SAMD8: variants seen among roughly 807,000 people sequenced by gnomAD.
SAMD8 encodes the protein sterile alpha motif domain containing 8.
In SAMD8, 20 loss-of-function variants were observed where a neutral mutation model predicts 42.0. The ratio of observed to expected loss-of-function variants is 0.48; its 90% CI spans 0.34 to 0.69. SAMD8 has a LOEUF of 0.69. SAMD8 is among the 30% of genes least tolerant of loss of function. The pLI is 0.01. For missense variants in SAMD8, 328 were observed against 511.6 expected (o/e 0.64, Z 3.46); for synonymous variants, 162 against 173.0 (o/e 0.94, Z 0.50).
chr10:75,151,054 C>T lies in SAMD8; in HGVS notation c.526C>T (p.Arg176Ter), dbSNP rs1840277391. The T allele has an allele frequency of 1.9e-6, 3 of 1,571,642 alleles. No homozygotes were observed. Among genetic ancestry groups the T allele is most frequent in the Non-Finnish European group, 2.6e-6 (3 of 1,158,130 alleles). ...TTTCATTATGGTTATAGTCCATGAG[C>T]GAGTGCCTGACATGCAGACCTATCC... Reference protein sequence around the residue: ...TSFIMVIVHERVPDMQTYPPL... With the variant: ...TSFIMVIVHE The change falls in exon 2 of 6, where the codon CGA becomes TGA. Residue 176 changes from arginine to a stop codon, truncating the protein, a stop_gained. Coordinates refer to ENST00000542569, the MANE Select transcript of SAMD8 (RefSeq NM_001174156.2). LOFTEE classifies it high-confidence loss of function.
At chr10:75,128,464 C>T (rs972406707) in intron 1 of SAMD8, among the ~76,000 whole-genome samples, 1 of 151,986 alleles carries the variant, frequency 6.6e-6, no homozygotes, top group African/African-American at 2.4e-5. Context: ...CTCCTGAGTT[C>T]GCCTCCCAAA....
Position 75,150,855 on chromosome 10 carries a change from G to T in SAMD8, c.327G>T (p.Trp109Cys), listed in dbSNP as rs1367355066. 2.5e-6 allele frequency: 4 copies of T among 1,613,756 alleles called. No homozygotes were observed. The highest frequency in any genetic ancestry group is 3.4e-6 in the Non-Finnish European group (4 of 1,179,802). ...PFISALQSTDWLCNGELSHDC... is the reference protein window; with the variant it reads ...PFISALQSTDCLCNGELSHDC... ...TCAGTGCTCTTCAGAGTACAGACTGGCTCTGTAATGGGGAGCTTTCCCATG... is the reference window on the plus strand; with the variant it reads ...TCAGTGCTCTTCAGAGTACAGACTGTCTCTGTAATGGGGAGCTTTCCCATG... Residue 109 changes from tryptophan to cysteine, a missense_variant, in exon 2 of 6, where the codon TGG (tryptophan) becomes TGT (cysteine). Coordinates refer to ENST00000542569, the MANE Select transcript of SAMD8 (RefSeq NM_001174156.2).
At chr10:75,101,853 G>A (rs1448062531) in intron 1 of SAMD8, 4 of 1,364,748 alleles carry the variant, frequency 2.9e-6, no homozygotes, top group Admixed American at 3.8e-5. Flanking sequence ...CCCAAATTAG[G>A]AGCACTCACC....
At chr10:75,129,683 G>A (rs2134443406) in intron 1 of SAMD8, among the ~76,000 whole-genome samples, 1 of 152,266 alleles carries the variant, frequency 6.6e-6, no homozygotes, top group East Asian at 1.9e-4. Context: ...ACATAACAAA[G>A]CCATTAATGT....
At chr10:75,130,429 C>T (rs941508032) in intron 1 of SAMD8, among the ~76,000 whole-genome samples, 2 of 152,020 alleles carry the variant, frequency 1.3e-5, no homozygotes, top group African/African-American at 2.4e-5. Flanking sequence ...TTGCTTGAAC[C>T]GAGGAGGTGG....
chr10:75,108,189 A>C (rs751806172), upstream of SAMD8: 4 of 1,607,748 alleles, frequency 2.5e-6, no homozygotes, highest in South Asian at 2.2e-5. Context: ...CCACAGCTCA[A>C]AGCGGTTGTT....
rs1298401223 is a variant in SAMD8 at position 75,178,613 on chromosome 10, C to T, written c.*1921C>T. The T allele has an allele frequency of 2.6e-5, 4 of 152,218 alleles. No homozygotes were observed. The highest frequency in any genetic ancestry group is 4.4e-5 in the Non-Finnish European group (3 of 68,078). 9.4% of individuals were successfully genotyped at this position (152,218 alleles called of 1,614,324 possible). On this transcript the variant is annotated 3_prime_UTR_variant, in exon 6 of 6. Transcript: ENST00000542569. ...GTGCAGTGGTGCAAGGCTATAGTCC[C>T]AGGTTCTGAGGAGGCTGAGGCAGGA...
chr10:75,132,536 A>G (rs1420535779), intron 1 of SAMD8, among the ~76,000 whole-genome samples: 2 of 152,206 alleles, frequency 1.3e-5, no homozygotes, highest in African/African-American at 2.4e-5. Context: ...ACCCTGTGTT[A>G]TCTCTTGACA....
chr10:75,166,856 T>G (rs1034164688), intron 3 of SAMD8, among the ~76,000 whole-genome samples: 19 of 152,204 alleles, frequency 1.2e-4, no homozygotes, highest in Non-Finnish European at 2.1e-4. Flanking sequence ...AGTGTTAATG[T>G]TTACTTAGTC....
At chr10:75,132,277 G>A (rs114773954) in intron 1 of SAMD8, among the ~76,000 whole-genome samples, 16 of 152,292 alleles carry the variant, frequency 1.1e-4, no homozygotes, top group African/African-American at 3.4e-4. Flanking sequence ...TACAAGTAGC[G>A]TTCTGATTAT....
At chr10:75,151,680 G>A (rs969572854) in intron 2 of SAMD8, among the ~76,000 whole-genome samples, 1 of 150,308 alleles carries the variant, frequency 6.7e-6, no homozygotes, top group Non-Finnish European at 1.5e-5. Flanking sequence ...TGTAGTTATA[G>A]CTCCTTGGGT....
chr10:75,148,326 A>G (rs1052233372), intron 1 of SAMD8, among the ~76,000 whole-genome samples: 1 of 146,692 alleles, frequency 6.8e-6, no homozygotes, highest in Non-Finnish European at 1.5e-5. Flanking sequence ...GGGTAGGGAA[A>G]GAATGCAGAG....
At chr10:75,118,919 C>T (rs1287422187) in intron 1 of SAMD8, among the ~76,000 whole-genome samples, 1 of 152,030 alleles carries the variant, frequency 6.6e-6, no homozygotes, top group African/African-American at 2.4e-5. Flanking sequence ...AACATGTAGT[C>T]TTTATTATGT....
At chr10:75,138,164 A>T (rs1280191158) in intron 1 of SAMD8, among the ~76,000 whole-genome samples, 1 of 152,132 alleles carries the variant, frequency 6.6e-6, no homozygotes, top group Non-Finnish European at 1.5e-5. Flanking sequence ...GTAGCAAGGG[A>T]CCCTGAGGAA....
At chr10:75,111,751 G>A (rs1451967784) in intron 1 of SAMD8, 29 bp downstream of exon 1, 14 of 1,233,182 alleles carry the variant, frequency 1.1e-5, no homozygotes, top group Admixed American at 4.2e-5. Flanking sequence ...TGAGGAGAGG[G>A]GAGCTTGGGG....
intron 2 of SAMD8, among the ~76,000 whole-genome samples, chr10:75,161,048 G>A (rs541843258): frequency 2.6e-4 from 40 of 151,958 alleles, no homozygotes; most frequent in Non-Finnish European, 5.0e-4. Context: ...AGCCTGGGCC[G>A]CAGAGTGAGA....
intron 1 of SAMD8, among the ~76,000 whole-genome samples, chr10:75,142,752 A>G (rs1020969981): frequency 2.0e-5 from 3 of 152,074 alleles, no homozygotes; most frequent in Non-Finnish European, 4.4e-5. Context: ...TTTTAAAGAA[A>G]CTTAAGGCCG....
rs888421825 is a variant in SAMD8, at chr10:75,180,277, C to G, written c.*3585C>G. 1.3e-5 allele frequency: 2 copies of G among 152,166 alleles called. No homozygotes were observed. The highest frequency in any genetic ancestry group is 2.9e-5 in the Non-Finnish European group (2 of 68,044). 9.4% of individuals were successfully genotyped at this position (152,166 alleles called of 1,614,324 possible). ...TTGAAATCAGAACTTATCCTTAGAA[C>G]CAGTCAGTTAAATAATGCGGACTAT... On this transcript the variant is annotated 3_prime_UTR_variant, in exon 6 of 6. Coordinates refer to ENST00000542569, the MANE Select transcript of SAMD8 (RefSeq NM_001174156.2).
chr10:75,111,318 C>G (rs1478056452), upstream of SAMD8, among the ~76,000 whole-genome samples: 2 of 152,322 alleles, frequency 1.3e-5, no homozygotes, highest in Admixed American at 6.5e-5. Flanking sequence ...CCGCTAGCCC[C>G]GCTTCCTCCT....
Sources: allele counts gnomAD v4.1 joint callset (sites outside exome capture counted in the v4.1 genomes callset), GRCh38; gene constraint gnomAD v4.1.1; transcripts MANE v1.5; gene names NCBI Gene and HGNC (gene_info 2026-07-23, HGNC 2026-07-21).